Variants in ATF2 observed in about 807,000 individuals in gnomAD.
ATF2 encodes cyclic AMP-dependent transcription factor ATF-2.
ATF2 carries 24 observed loss-of-function variants against 60.6 expected under a neutral mutation model. That is an observed-to-expected ratio of 0.40 (90% CI 0.29 to 0.56). The LOEUF (loss-of-function observed/expected upper bound fraction) is 0.56. Ranked by LOEUF, ATF2 falls within the 20% of genes least tolerant of loss-of-function variation. The pLI is 0.54. For missense variants in ATF2, 433 were observed against 607.7 expected, an observed-to-expected ratio of 0.71 and a Z score of 3.02; for synonymous variants, 206 against 215.4, an observed-to-expected ratio of 0.96 and a Z score of 0.38.
chr2:175,154,071 C>T (rs1019941163), intron 1 of ATF2, among the ~76,000 whole-genome samples: 4 of 150,308 alleles, frequency 2.7e-5, no homozygotes, highest in African/African-American at 4.9e-5. Flanking sequence ...CAAAATTAGC[C>T]GGTGTGGTGG....
intron 11 of ATF2, among the ~76,000 whole-genome samples, chr2:175,094,715 G>A (rs1429798356): frequency 6.6e-6 from 1 of 152,072 alleles, no homozygotes. Context: ...GCATTACAAA[G>A]AGAGTTATTT....
At chr2:175,140,560 G>GGT (rs1208352521) in intron 2 of ATF2, among the ~76,000 whole-genome samples, 1 of 152,030 alleles carries the variant, frequency 6.6e-6, no homozygotes, top group Non-Finnish European at 1.5e-5. Context: ...TCTTGATTGT[G>GGT]GTGATGGTTT....
chr2:175,115,401 C>T (rs2105694636), intron 7 of ATF2, among the ~76,000 whole-genome samples: 1 of 152,216 alleles, frequency 6.6e-6, no homozygotes, highest in South Asian at 2.1e-4. Flanking sequence ...TATCAAAAGG[C>T]CACGTAATAC....
chr2:175,111,428 T>C (rs917817258), intron 10 of ATF2, 140 bp downstream of exon 10: 7 of 563,666 alleles, frequency 1.2e-5, no homozygotes, highest in African/African-American at 1.2e-4. Context: ...TTTTCAAATT[T>C]TGTGGTTTAT....
At chr2:175,141,014 A>T (rs1559107159) in intron 2 of ATF2, among the ~76,000 whole-genome samples, 58 of 110,860 alleles carry the variant, frequency 5.2e-4, no homozygotes, top group South Asian at 3.8e-3. Context: ...AAAAAAAAAA[A>T]AAAAAAAAAA....
At chr2:175,083,178 T>C (rs867469022) in intron 12 of ATF2, among the ~76,000 whole-genome samples, 23 of 151,916 alleles carry the variant, frequency 1.5e-4, no homozygotes, top group East Asian at 5.8e-4. Context: ...AAAAAGAGCC[T>C]GCATCGCCAA....
rs190612594 is a variant in ATF2, at chr2:175,157,675, G to A, written c.-142-6517C>T. Among the ~76,000 whole-genome samples the A allele has an allele frequency of 2.0e-4, 30 of 152,292 alleles. No individual in the cohort carries two copies. The East Asian group carries it at 5.8e-3, about 29-fold the overall frequency. On this transcript the variant is annotated intron_variant, in intron 1 of 13. Transcript: ENST00000264110. The stretch of plus-strand genomic sequence containing the variant: ...GGGGCACGCTAGCACAATGACACTA[G>A]ACACGACTTTATTCCCTTTCAAACA...
intron 4 of ATF2, among the ~76,000 whole-genome samples, chr2:175,122,714 A>G (rs959158684): frequency 6.6e-6 from 1 of 152,016 alleles, no homozygotes; most frequent in Non-Finnish European, 1.5e-5. Context: ...TCATATTTTC[A>G]TATGTCTGTC....
intron 13 of ATF2, chr2:175,080,234 C>T (rs1021471222): frequency 2.0e-5 from 3 of 152,318 alleles, no homozygotes; most frequent in Non-Finnish European, 4.4e-5. Context: ...GGATCTGATA[C>T]CTTAAAGGGA....
At chr2:175,136,609 T>C (rs910242306) in intron 2 of ATF2, 123 bp from the exon 3 acceptor site, 1 of 619,654 alleles carries the variant, frequency 1.6e-6, no homozygotes, top group Non-Finnish European at 2.9e-6. Context: ...TAGTCACTAT[T>C]AACAATTTTT....
chr2:175,103,718 ATACTT>A (rs1285227972), intron 10 of ATF2, among the ~76,000 whole-genome samples: 1 of 152,066 alleles, frequency 6.6e-6, no homozygotes, highest in Non-Finnish European at 1.5e-5. Flanking sequence ...TACTATTTAA[ATACTT>A]TACTAAATCT....
intron 2 of ATF2, among the ~76,000 whole-genome samples, chr2:175,136,713 G>C (rs1698162519): frequency 6.6e-6 from 1 of 152,078 alleles, no homozygotes; most frequent in Admixed American, 6.5e-5. Context: ...GGGATTAAAA[G>C]TGGAAGAAAC....
rs147766704 is a variant in ATF2, at chr2:175,145,019, T to C, written c.-44+6041A>G. Among the ~76,000 whole-genome samples, 16 of 152,336 alleles carry C rather than the reference T, an allele frequency of 1.1e-4. 3 individuals carry two copies. The highest frequency in any genetic ancestry group is 3.8e-4 in the African/African-American group (16 of 41,566). On this transcript the variant is annotated intron_variant, in intron 2 of 13. Coordinates refer to ENST00000264110, the MANE Select transcript of ATF2 (RefSeq NM_001880.4). ...TACTACAGTTGAAGGGAATTATAAA[T>C]ATAGAATGAACCTTGGTATTAGATG...
intron 4 of ATF2, among the ~76,000 whole-genome samples, chr2:175,129,776 T>A (rs1349327663): frequency 6.6e-6 from 1 of 152,096 alleles, no homozygotes; most frequent in Non-Finnish European, 1.5e-5. Flanking sequence ...AAAAGTTCAG[T>A]AAGCAAAATA....
intron 11 of ATF2, among the ~76,000 whole-genome samples, chr2:175,093,834 C>T (rs1009630889): frequency 7.2e-5 from 11 of 152,062 alleles, no homozygotes; most frequent in African/African-American, 2.2e-4. Context: ...AATTTAGGGT[C>T]AGTCTTTTTC....
Position 175,151,111 on chromosome 2 carries a change from T to C in ATF2, c.-95A>G, listed in dbSNP as rs1425435110. The C allele has an allele frequency of 3.3e-5, 5 of 152,514 alleles. No homozygotes were observed. Among genetic ancestry groups the C allele is most frequent in the Non-Finnish European group, 7.4e-5 (5 of 67,986 alleles). The allele number at this position is 152,514 out of a possible 1,614,324, so 9.4% of individuals were successfully genotyped here. A position where few individuals can be genotyped will look rare whatever the true frequency, so the allele number is the denominator to read the frequency against. Reference sequence around the variant, plus strand: ...TATTTACTCTGCTTCCAGGAATACCTTAGCTGTTATCAATAAGCAGTCCTT... The same window carrying C: ...TATTTACTCTGCTTCCAGGAATACCCTAGCTGTTATCAATAAGCAGTCCTT... On this transcript the variant is annotated 5_prime_UTR_variant, in exon 2 of 14. Transcript: ENST00000264110.
intron 8 of ATF2, chr2:175,114,342 T>C: frequency 7.9e-7 from 1 of 1,263,222 alleles, no homozygotes; most frequent in Non-Finnish European, 9.9e-7. Flanking sequence ...AATCTCCAAT[T>C]TGTAAAATGA....
chr2:175,118,160 CAG>C lies in ATF2; in HGVS notation c.319-44_319-43del, dbSNP rs542559993. On this transcript the variant is annotated intron_variant, in intron 6 of 13. Transcript: ENST00000264110. Reference sequence around the variant, plus strand: ...AAGGAAAAGGTTATAAGTTCAAAAACAGTGTGTCTAAATTTAAAAAGCAGGAA... The same window carrying C: ...AAGGAAAAGGTTATAAGTTCAAAAACTGTGTCTAAATTTAAAAAGCAGGAA... 5.9e-4 allele frequency: 944 copies of C among 1,599,776 alleles called. 1 individual carries two copies. The highest frequency in any genetic ancestry group is 7.4e-4 in the Non-Finnish European group (873 of 1,173,736).
chr2:175,123,948 C>T (rs923284733), intron 4 of ATF2, among the ~76,000 whole-genome samples: 9 of 151,884 alleles, frequency 5.9e-5, no homozygotes, highest in East Asian at 1.9e-4. Flanking sequence ...AACTTAAGAC[C>T]GTGTGAAAAG....
Sources: gnomAD v4.1 joint callset for allele counts (sites outside exome capture counted in the v4.1 genomes callset) on GRCh38, gnomAD v4.1.1 for gene constraint, MANE v1.5 for transcripts, NCBI Gene and HGNC (gene_info 2026-07-23, HGNC 2026-07-21) for gene names.